Variants in PSMD9 observed in about 807,000 individuals in gnomAD.
The protein encoded by PSMD9 is proteasome 26S subunit, non-ATPase 9.
Under a neutral mutation model 25.9 loss-of-function variants are expected in PSMD9, and 26 were observed. The ratio of observed to expected loss-of-function variants is 1.00; its 90% CI spans 0.73 to 1.39. PSMD9 has a LOEUF of 1.39. PSMD9 is among the 40% of genes most tolerant of loss of function. PSMD9 has a pLI of 0.00. For missense variants in PSMD9, 303 were observed against 299.3 expected (o/e 1.01, Z -0.09); for synonymous variants, 110 against 114.5 (o/e 0.96, Z 0.25).
At chr12:121,889,099 C>T (rs547240010) in intron 1 of PSMD9, 105 bp downstream of exon 1, 2 of 1,410,242 alleles carry the variant, frequency 1.4e-6, no homozygotes, top group South Asian at 2.8e-5. Context: ...CAACGGATCT[C>T]CCTGGGAGGC....
At chr12:121,903,551 A>G (rs534777665) in intron 4 of PSMD9, among the ~76,000 whole-genome samples, 2 of 152,058 alleles carry the variant, frequency 1.3e-5, no homozygotes, top group African/African-American at 4.8e-5. Context: ...TGCTGCCTTC[A>G]TGGTGTTGCT....
At chr12:121,905,181 C>A (rs917788319) in intron 4 of PSMD9, among the ~76,000 whole-genome samples, 22 of 150,992 alleles carry the variant, frequency 1.5e-4, no homozygotes, top group African/African-American at 5.1e-4. Flanking sequence ...ACCAGATCCA[C>A]CTTTTTCAGT....
At chr12:121,910,082 A>C (rs1433862744) in intron 4 of PSMD9, among the ~76,000 whole-genome samples, 1 of 48,364 alleles carries the variant, frequency 2.1e-5, no homozygotes, top group Non-Finnish European at 4.3e-5. Context: ...GTAGGAAATG[A>C]CTTTTTTTTT....
rs114601034 is a variant in PSMD9, at chr12:121,909,685, G to A, written c.556-6171G>A. Among the ~76,000 whole-genome samples, 481 of 152,158 alleles carry A rather than the reference G, an allele frequency of 3.2e-3. 2 individuals carry two copies. The highest frequency in any genetic ancestry group is 0.011 in the African/African-American group (443 of 41,504). On this transcript the variant is annotated intron_variant, in intron 4 of 5. Transcript: ENST00000541212. ...AATGTACATGTTACTCTGCATTTCC[G>A]CCCACTTCGAAGGGAATTCCTTGTC...
At chr12:121,902,558 T>C in intron 3 of PSMD9, 1 of 176,044 alleles carries the variant, frequency 5.7e-6, no homozygotes, top group Admixed American at 5.6e-5. Context: ...CACTCTAGTC[T>C]TGGATGCGCC....
chr12:121,913,788 C>T (rs574404316), intron 4 of PSMD9, among the ~76,000 whole-genome samples: 5 of 152,306 alleles, frequency 3.3e-5, no homozygotes, highest in Admixed American at 6.5e-5. Context: ...CATGAGCCAC[C>T]GTACCCAGCA....
Position 121,912,000 on chromosome 12 carries a change from A to AGCTT in PSMD9, c.556-3851_556-3848dup, listed in dbSNP as rs781691480. On this transcript the variant is annotated intron_variant, in intron 4 of 5. Coordinates refer to ENST00000541212, the MANE Select transcript of PSMD9 (RefSeq NM_002813.7). ...AGATGACTTCCAGGTTTCTGGAATG[A>AGCTT]GCTTGCTTATTTATTTATTTATTTA... 1.5e-3 allele frequency among the ~76,000 whole-genome samples: 217 copies of AGCTT among 147,044 alleles called. 1 individual carries two copies. The highest frequency in any genetic ancestry group is 2.8e-3 in the South Asian group (13 of 4,634).
chr12:121,897,645 C>A (rs899539717), intron 2 of PSMD9: 2 of 150,122 alleles, frequency 1.3e-5, no homozygotes, highest in South Asian at 2.1e-4. Context: ...GGTGATCCGC[C>A]CGCCTCGGCC....
intron 4 of PSMD9, among the ~76,000 whole-genome samples, chr12:121,911,201 G>A (rs1157759797): frequency 6.6e-6 from 1 of 152,072 alleles, no homozygotes; most frequent in Non-Finnish European, 1.5e-5. Flanking sequence ...CACCAGGCAT[G>A]GCTAATTTTT....
At chr12:121,899,231 C>T (rs991083951) in intron 2 of PSMD9, 3 of 186,734 alleles carry the variant, frequency 1.6e-5, no homozygotes, top group Non-Finnish European at 3.4e-5. Context: ...CATTCATTCA[C>T]ATGATCACAG....
chr12:121,888,902 G>A lies in PSMD9; in HGVS notation c.46G>A (p.Gly16Ser). Residue 16 changes from glycine (G) to serine (S), a missense_variant, in exon 1 of 6, where the codon GGC becomes AGC. Transcript: ENST00000541212. Reference sequence around the variant, plus strand: ...GCAGAGCGGAGGCTCCTCGCAGGCCGGCGTCGTGACTGTCAGCGACGTCCA... The same window carrying A: ...GCAGAGCGGAGGCTCCTCGCAGGCCAGCGTCGTGACTGTCAGCGACGTCCA... ...ARQSGGSSQA[G>S]VVTVSDVQEL... 2 of 1,600,544 alleles carry A rather than the reference G, an allele frequency of 1.2e-6. No homozygotes were observed. The highest frequency in any genetic ancestry group is 8.5e-7 in the Non-Finnish European group (1 of 1,174,422).
In PSMD9 at chr12:121,917,141, C is replaced by A; in HGVS notation, c.*830C>A. 6.6e-6 allele frequency: 1 copy of A among 152,450 alleles called. No homozygotes were observed. 9.4% of individuals were successfully genotyped at this position (152,450 alleles called of 1,614,324 possible). A position where few individuals can be genotyped will look rare whatever the true frequency, so the allele number is the denominator to read the frequency against. On this transcript the variant is annotated 3_prime_UTR_variant, in exon 6 of 6. Coordinates refer to ENST00000541212, the MANE Select transcript of PSMD9 (RefSeq NM_002813.7). ...AAGTATCTGGGACCACAGGCGTGCA[C>A]CACCATGCATAGCTAATTTATTTTT...
At position 121,894,780 on chromosome 12, in the gene PSMD9, GGGCTACC is replaced by G; in HGVS notation, c.181_187del (p.Gly61ProfsTer27). 6.2e-7 allele frequency: 1 copy of G among 1,614,130 alleles called. No individual in the cohort carries two copies. The highest frequency in any genetic ancestry group is 1.1e-5 in the South Asian group (1 of 91,080). On this transcript the variant is annotated frameshift_variant, in exon 2 of 6. Transcript: ENST00000541212. LOFTEE classifies it high-confidence loss of function. ...TGAACGAGCCGCTGGTGGACTGTGAGGGCTACCCCCGGTCAGACGTGGACCTGTACCA... is the reference window on the plus strand; with the variant it reads ...TGAACGAGCCGCTGGTGGACTGTGAGCCCGGTCAGACGTGGACCTGTACCA...
intron 4 of PSMD9, among the ~76,000 whole-genome samples, chr12:121,909,047 G>A (rs891535357): frequency 6.6e-6 from 1 of 152,100 alleles, no homozygotes; most frequent in African/African-American, 2.4e-5. Flanking sequence ...GCCTTCTCTG[G>A]ATGTTAGGTA....
At chr12:121,889,408 G>T (rs1436996424) in intron 1 of PSMD9, among the ~76,000 whole-genome samples, 1 of 152,160 alleles carries the variant, frequency 6.6e-6, no homozygotes, top group Non-Finnish European at 1.5e-5. Context: ...TGTAAAGACA[G>T]AGTCTCACTG....
intron 1 of PSMD9, among the ~76,000 whole-genome samples, chr12:121,890,952 A>G (rs1879053636): frequency 6.6e-6 from 1 of 151,218 alleles, no homozygotes; most frequent in Admixed American, 6.6e-5. Flanking sequence ...TTTGTTTTTA[A>G]AAAGTGGGTT....
At chr12:121,911,939 C>T (rs1879735590) in intron 4 of PSMD9, among the ~76,000 whole-genome samples, 1 of 151,986 alleles carries the variant, frequency 6.6e-6, no homozygotes, top group Non-Finnish European at 1.5e-5. Context: ...AGGCGTGAAC[C>T]ACCACACCTG....
At chr12:121,892,141 T>C (rs980719186) in intron 1 of PSMD9, among the ~76,000 whole-genome samples, 1 of 152,130 alleles carries the variant, frequency 6.6e-6, no homozygotes, top group African/African-American at 2.4e-5. Flanking sequence ...TTGCATATCA[T>C]TTCTCTGATA....
chr12:121,909,710 C>A (rs1298995209), intron 4 of PSMD9, among the ~76,000 whole-genome samples: 1 of 152,120 alleles, frequency 6.6e-6, no homozygotes, highest in Non-Finnish European at 1.5e-5. Context: ...AATTCCTTGT[C>A]GGCACATTTG....
Sources: allele counts gnomAD v4.1 joint callset (sites outside exome capture counted in the v4.1 genomes callset), GRCh38; gene constraint gnomAD v4.1.1; transcripts MANE v1.5; gene names NCBI Gene and HGNC (gene_info 2026-07-23, HGNC 2026-07-21).